The following FIGN variants were observed in gnomAD, a reference collection of about 807,000 sequenced individuals.
FIGN encodes fidgetin.
Under a neutral mutation model 51.3 loss-of-function variants are expected in FIGN, and 11 were observed. The ratio of observed to expected loss-of-function variants is 0.21; its 90% CI spans 0.13 to 0.35. FIGN has a LOEUF of 0.35. Ranked by LOEUF, FIGN falls within the 10% of genes least tolerant of loss-of-function variation. The pLI, the probability that FIGN is intolerant of heterozygous loss-of-function variation, is 1.00. For missense variants in FIGN, 857 were observed against 943.6 expected (o/e 0.91, Z 1.20); for synonymous variants, 407 against 363.2 (o/e 1.12, Z -1.37).
intron 2 of FIGN, among the ~76,000 whole-genome samples, chr2:163,707,522 T>C (rs1198451519): frequency 6.6e-6 from 1 of 152,136 alleles, no homozygotes; most frequent in Non-Finnish European, 1.5e-5. Context: ...AATTTAAGTG[T>C]TTTTAGTAAA....
intron 2 of FIGN, among the ~76,000 whole-genome samples, chr2:163,704,656 T>TCTCTCTCTCTCA (rs72286438): frequency 1.0e-4 from 13 of 129,790 alleles, no homozygotes; most frequent in East Asian, 6.6e-4. Context: ...TCTCTCTCTC[T>TCTCTCTCTCTCA]CACACACACA....
At chr2:163,629,505 G>A (rs1290848459) in intron 2 of FIGN, among the ~76,000 whole-genome samples, 6 of 152,072 alleles carry the variant, frequency 3.9e-5, no homozygotes, top group Admixed American at 3.3e-4. Context: ...GTAGGTTAAG[G>A]AGCAAAGATG....
intron 2 of FIGN, among the ~76,000 whole-genome samples, chr2:163,626,511 A>T (rs1683056079): frequency 6.6e-6 from 1 of 152,198 alleles, no homozygotes; most frequent in South Asian, 2.1e-4. Flanking sequence ...AGAGACCACA[A>T]GATGTCAAAT....
chr2:163,702,072 T>C (rs1029428844), intron 2 of FIGN, among the ~76,000 whole-genome samples: 6 of 152,094 alleles, frequency 3.9e-5, no homozygotes, highest in African/African-American at 7.2e-5. Flanking sequence ...CCAACACAAA[T>C]TGAATAAGCC....
At chr2:163,704,656 T>TCTCTCTCTCA (rs72286438) in intron 2 of FIGN, among the ~76,000 whole-genome samples, 10 of 129,790 alleles carry the variant, frequency 7.7e-5, no homozygotes, top group African/African-American at 2.8e-4. Flanking sequence ...TCTCTCTCTC[T>TCTCTCTCTCA]CACACACACA....
chr2:163,675,372 G>A (rs1683940352), intron 2 of FIGN, among the ~76,000 whole-genome samples: 1 of 152,210 alleles, frequency 6.6e-6, no homozygotes, highest in South Asian at 2.1e-4. Flanking sequence ...TAACTACTCA[G>A]AATCTAGAAT....
intron 2 of FIGN, among the ~76,000 whole-genome samples, chr2:163,649,837 AT>A (rs1399406999): frequency 1.3e-5 from 2 of 152,258 alleles, no homozygotes; most frequent in Admixed American, 1.3e-4. Flanking sequence ...ACTGAAGCTT[AT>A]CCCTGCGGAG....
In FIGN at chr2:163,611,146, G is replaced by A; in HGVS notation, c.686C>T (p.Pro229Leu). 1.2e-6 allele frequency: 2 copies of A among 1,614,154 alleles called. No homozygotes were observed. Among genetic ancestry groups the A allele is most frequent in the Non-Finnish European group, 1.7e-6 (2 of 1,180,024 alleles). Residue 229 changes from proline to leucine, a missense_variant, in exon 3 of 3, where the codon CCA (proline) becomes CTA (leucine). Physicochemically the swap from Pro to Leu is moderately conservative, Grantham distance 98. This residue lies in a region of FIGN where 799 missense variants were observed against 849.5 expected (regional missense o/e 0.94). Coordinates refer to ENST00000333129, the MANE Select transcript of FIGN (RefSeq NM_018086.4). ...ATTGTAGCCTGGGACCAAGGCTGGT[G>A]GCGGAGGAGGTGGTGGTGGGGGCTG... ...LLQPPPPPPP[P>L]PALVPGYNGT...
chr2:163,615,500 C>T (rs1172749379), intron 2 of FIGN, among the ~76,000 whole-genome samples: 2 of 152,032 alleles, frequency 1.3e-5, no homozygotes, highest in Non-Finnish European at 2.9e-5. Context: ...ATTGGTGGTG[C>T]TATTTCTGAT....
At chr2:163,723,745 G>T (rs1573973722) in intron 2 of FIGN, among the ~76,000 whole-genome samples, 1 of 152,282 alleles carries the variant, frequency 6.6e-6, no homozygotes, top group Non-Finnish European at 1.5e-5. Flanking sequence ...AAGTTAATCT[G>T]ATTGCCACTC....
rs1484513874 is a variant in FIGN at position 163,608,655 on chromosome 2, G to T, written c.*897C>A. The T allele has an allele frequency of 6.6e-6, 1 of 152,202 alleles. No individual in the cohort carries two copies. The highest frequency in any genetic ancestry group is 2.4e-5 in the African/African-American group (1 of 41,416). The allele number at this position is 152,202 out of a possible 1,614,324, so 9.4% of individuals were successfully genotyped here. ...GAACTCTTGCAGTTATTGACATAAAGAATTATTCTGCTCTGGTTAATTCCC... is the reference window on the plus strand; with the variant it reads ...GAACTCTTGCAGTTATTGACATAAATAATTATTCTGCTCTGGTTAATTCCC... On this transcript the variant is annotated 3_prime_UTR_variant, in exon 3 of 3. Transcript: ENST00000333129.
intron 2 of FIGN, among the ~76,000 whole-genome samples, chr2:163,693,637 A>C (rs904958788): frequency 2.0e-5 from 3 of 152,168 alleles, no homozygotes; most frequent in Non-Finnish European, 1.5e-5. Context: ...ACACTTACGC[A>C]CAAACACACA....
At chr2:163,630,700 G>A (rs1683133651) in intron 2 of FIGN, among the ~76,000 whole-genome samples, 1 of 151,582 alleles carries the variant, frequency 6.6e-6, no homozygotes, top group Non-Finnish European at 1.5e-5. Flanking sequence ...ATGATTGTCA[G>A]TCATTACTAA....
intron 2 of FIGN, among the ~76,000 whole-genome samples, chr2:163,709,216 A>T (rs1232945816): frequency 6.6e-6 from 1 of 151,692 alleles, no homozygotes; most frequent in African/African-American, 2.4e-5. Flanking sequence ...AAACCCAGAC[A>T]CTCCTTGGGC....
At chr2:163,726,713 T>G (rs1403494631) in intron 2 of FIGN, among the ~76,000 whole-genome samples, 2 of 152,110 alleles carry the variant, frequency 1.3e-5, no homozygotes, top group East Asian at 1.9e-4. Flanking sequence ...ATATTCCATT[T>G]AGATAATCAA....
At chr2:163,622,325 A>G (rs1682986975) in intron 2 of FIGN, among the ~76,000 whole-genome samples, 1 of 152,034 alleles carries the variant, frequency 6.6e-6, no homozygotes. Context: ...ACACGGTAAG[A>G]CTGTCTCAAA....
intron 2 of FIGN, among the ~76,000 whole-genome samples, chr2:163,662,211 T>C (rs912818273): frequency 1.3e-5 from 2 of 151,992 alleles, no homozygotes; most frequent in Non-Finnish European, 2.9e-5. Context: ...GGAGTAAAGG[T>C]GAATCTTGTT....
chr2:163,643,393 G>T (rs1203058798), intron 2 of FIGN, among the ~76,000 whole-genome samples: 1 of 152,184 alleles, frequency 6.6e-6, no homozygotes, highest in Non-Finnish European at 1.5e-5. Context: ...GCTGATGCTT[G>T]TAATCCCAGC....
intron 2 of FIGN, among the ~76,000 whole-genome samples, chr2:163,693,771 C>A (rs1175119509): frequency 6.6e-6 from 1 of 152,128 alleles, no homozygotes. Context: ...TGGGATTTTT[C>A]TTCTTTTCTA....
Sources: allele counts gnomAD v4.1 joint callset (sites outside exome capture counted in the v4.1 genomes callset), GRCh38; gene constraint gnomAD v4.1.1; regional missense constraint gnomAD v4.1.1; transcripts MANE v1.5; gene names NCBI Gene and HGNC (gene_info 2026-07-23, HGNC 2026-07-21).